The following RAB4B variants were observed in gnomAD, a reference collection of about 807,000 sequenced individuals.
The protein encoded by RAB4B is ras-related protein Rab-4B.
RAB4B carries 15 observed loss-of-function variants against 28.3 expected under a neutral mutation model. The ratio of observed to expected loss-of-function variants is 0.53; its 90% CI spans 0.35 to 0.82. The LOEUF is 0.82. Ranked by LOEUF, RAB4B falls within the 40% of genes least tolerant of loss-of-function variation. The pLI, the probability that RAB4B is intolerant of heterozygous loss-of-function variation, is 0.01. For missense variants in RAB4B, 244 were observed against 288.5 expected (o/e 0.85, Z 1.12); for synonymous variants, 108 against 116.3 (o/e 0.93, Z 0.46).
At chr19:40,786,043 G>A (rs1234354365) in intron 5 of RAB4B, 1 of 161,106 alleles carries the variant, frequency 6.2e-6, no homozygotes, top group Non-Finnish European at 1.3e-5. Flanking sequence ...CAGTTGGGAT[G>A]AGGGGACACA....
chr19:40,787,428 G>A (rs542705068), intron 7 of RAB4B, among the ~76,000 whole-genome samples: 50 of 152,020 alleles, frequency 3.3e-4, no homozygotes, highest in Non-Finnish European at 6.2e-4. Context: ...CCAGCTACTC[G>A]GGAAGTTGAG....
At chr19:40,780,691 A>G (rs2083038429) in intron 3 of RAB4B, among the ~76,000 whole-genome samples, 192 bp downstream of exon 3, 1 of 152,018 alleles carries the variant, frequency 6.6e-6, no homozygotes, top group Non-Finnish European at 1.5e-5. Context: ...ATGGTGGAAG[A>G]AAAAGAGGTA....
chr19:40,781,638 G>GGAGAGA lies in RAB4B; in HGVS notation c.212+1150_212+1155dup, dbSNP rs371458951. Among the ~76,000 whole-genome samples the GGAGAGA allele has an allele frequency of 1.6e-4, 24 of 150,964 alleles. No individual in the cohort carries two copies. In the South Asian group the frequency reaches 3.3e-3, roughly 21 times the overall value. ...GAGATGGAGAAATGGACGTGTTGTG[G>GGAGAGA]GAGAGAGAGAGAGAGAAATGCGTAG... On this transcript the variant is annotated intron_variant, in intron 3 of 7. Coordinates refer to ENST00000357052, the MANE Select transcript of RAB4B (RefSeq NM_016154.5).
In RAB4B at chr19:40,783,764, C is replaced by T; in HGVS notation, c.213-14C>T. The stretch of plus-strand genomic sequence containing the variant: ...CCCAGCCTTGGGGGTGACTGGGTCC[C>T]CCTGGCCCCACAGGTCAGTGACGCG... On this transcript the variant is annotated splice_polypyrimidine_tract_variant and intron_variant, in intron 3 of 7. Coordinates refer to ENST00000357052, the MANE Select transcript of RAB4B (RefSeq NM_016154.5). 2 of 1,549,244 alleles carry T rather than the reference C, an allele frequency of 1.3e-6. No individual in the cohort carries two copies. The highest frequency in any genetic ancestry group is 1.7e-6 in the Non-Finnish European group (2 of 1,144,810).
rs367615181 is a variant in RAB4B, at chr19:40,786,453, G to A, written c.431-212G>A. The A allele has an allele frequency of 7.0e-5, 44 of 631,316 alleles. No homozygotes were observed. The East Asian group carries it at 7.0e-4, about 10-fold the overall frequency. 39.1% of individuals were successfully genotyped at this position (631,316 alleles called of 1,614,324 possible). ...GGAAGTCAGGGAGGACTTCTTGGAG[G>A]AGGAGCTGTGTGAGCTGAGCTCTGA... On this transcript the variant is annotated intron_variant, in intron 5 of 7. Transcript: ENST00000357052.
Position 40,786,832 on chromosome 19 carries a change from CTCCCCT to C in RAB4B, c.527-10_527-5del. 1 of 1,614,164 alleles carries C rather than the reference CTCCCCT, an allele frequency of 6.2e-7. No individual in the cohort carries two copies. The highest frequency in any genetic ancestry group is 8.5e-7 in the Non-Finnish European group (1 of 1,179,996). ...GTCTCCAGGCAACCAATGCTGACCT[CTCCCCT>C]TCCCCACAGGCGAGCTAGACCCGGA... On this transcript the variant is annotated splice_polypyrimidine_tract_variant and intron_variant, in intron 6 of 7. Coordinates refer to ENST00000357052, the MANE Select transcript of RAB4B (RefSeq NM_016154.5).
At chr19:40,783,886 C>T (rs1481901024) in intron 4 of RAB4B, 35 bp from the exon 5 acceptor site, 1 of 1,587,328 alleles carries the variant, frequency 6.3e-7, no homozygotes, top group Admixed American at 1.7e-5. Context: ...GGTTCCTCTC[C>T]TGCACTGCCT....
rs1048713633 is a variant in RAB4B, at chr19:40,780,711, C to T, written c.212+212C>T. On this transcript the variant is annotated intron_variant, in intron 3 of 7. Coordinates refer to ENST00000357052, the MANE Select transcript of RAB4B (RefSeq NM_016154.5). Reference sequence around the variant, plus strand: ...GGAAGAAAAAGAGGTAGGGGCCAGGCGCAATGGCTCATGCCGGTAATCCCC... The same window carrying T: ...GGAAGAAAAAGAGGTAGGGGCCAGGTGCAATGGCTCATGCCGGTAATCCCC... Among the ~76,000 whole-genome samples the T allele has an allele frequency of 1.7e-4, 26 of 151,884 alleles. 1 individual carries two copies. The highest frequency in any genetic ancestry group is 1.3e-3 in the Admixed American group (20 of 15,216).
chr19:40,793,308 C>T (rs1027069910), intron 7 of RAB4B, among the ~76,000 whole-genome samples: 2 of 151,992 alleles, frequency 1.3e-5, no homozygotes, highest in Non-Finnish European at 2.9e-5. Context: ...CATCTCAGCT[C>T]ACTGCAGCCT....
intron 5 of RAB4B, chr19:40,786,176 G>A (rs956763413): frequency 9.5e-6 from 2 of 210,162 alleles, no homozygotes; most frequent in South Asian, 6.0e-5. Context: ...TGGGATGGGG[G>A]AGCATGGGCA....
intron 7 of RAB4B, among the ~76,000 whole-genome samples, chr19:40,793,697 G>A (rs185923107): frequency 6.7e-4 from 101 of 150,704 alleles, no homozygotes; most frequent in African/African-American, 2.1e-3. Context: ...AGGCTGAGGC[G>A]GGCAGATCAC....
intron 7 of RAB4B, among the ~76,000 whole-genome samples, chr19:40,788,034 G>A (rs2083119029): frequency 6.8e-6 from 1 of 147,576 alleles, no homozygotes; most frequent in African/African-American, 2.5e-5. Flanking sequence ...CCCCAGGCCA[G>A]CTTCCTGCCC....
At chr19:40,795,314 A>G (rs941513282) in intron 7 of RAB4B, among the ~76,000 whole-genome samples, 4 of 152,034 alleles carry the variant, frequency 2.6e-5, no homozygotes, top group Admixed American at 6.6e-5. Flanking sequence ...TGAGACTTAG[A>G]GCCAGGGTGA....
rs765665315 is a variant in RAB4B, at chr19:40,786,637, C to T, written c.431-28C>T. On this transcript the variant is annotated intron_variant, in intron 5 of 7. Coordinates refer to ENST00000357052, the MANE Select transcript of RAB4B (RefSeq NM_016154.5). ...GTGGAGGGTGGGGACTAACTGGGGC[C>T]CTGACCTCAGAGTGTGTGCCCCTGC... is the stretch of plus-strand genomic sequence containing the variant. 4.3e-5 allele frequency: 69 copies of T among 1,613,058 alleles called. No homozygotes were observed. The African/African-American group carries it at 7.9e-4, about 18-fold the overall frequency.
At chr19:40,793,741 T>C (rs2083182172) in intron 7 of RAB4B, among the ~76,000 whole-genome samples, 1 of 148,354 alleles carries the variant, frequency 6.7e-6, no homozygotes, top group African/African-American at 2.5e-5. Context: ...GTGACCAACA[T>C]GGTAAAACCC....
intron 7 of RAB4B, among the ~76,000 whole-genome samples, chr19:40,789,261 G>T (rs1351531748): frequency 1.3e-5 from 2 of 151,828 alleles, no homozygotes. Flanking sequence ...GGAGTGCAAT[G>T]GCGCGATCTC....
chr19:40,793,569 TTTG>T, intron 7 of RAB4B, among the ~76,000 whole-genome samples: 1 of 101,596 alleles, frequency 9.8e-6, no homozygotes, highest in African/African-American at 2.9e-5. Flanking sequence ...TCTTTTCTTT[TTTG>T]TTTTTTTTTT....
Position 40,778,262 on chromosome 19 carries a change from G to A in RAB4B, c.-114G>A. ...GGGCGGAGGCGGAAGTGGCGGTGCC[G>A]GGCCCGGGGAGTAGGAAGGAGCCGG... On this transcript the variant is annotated 5_prime_UTR_variant, in exon 1 of 8. Coordinates refer to ENST00000357052, the MANE Select transcript of RAB4B (RefSeq NM_016154.5). The A allele has an allele frequency of 9.7e-7, 1 of 1,035,090 alleles. No homozygotes were observed. Among genetic ancestry groups the A allele is most frequent in the Admixed American group, 3.4e-5 (1 of 29,324 alleles). The allele number at this position is 1,035,090 out of a possible 1,614,324, so 64.1% of individuals were successfully genotyped here.
intron 3 of RAB4B, among the ~76,000 whole-genome samples, chr19:40,781,200 T>C (rs2083043763): frequency 6.7e-6 from 1 of 149,402 alleles, no homozygotes; most frequent in Non-Finnish European, 1.5e-5. Flanking sequence ...GGCAGGAGAA[T>C]TGCTTGAACC....
Sources: allele counts gnomAD v4.1 joint callset (sites outside exome capture counted in the v4.1 genomes callset), GRCh38; gene constraint gnomAD v4.1.1; transcripts MANE v1.5; gene names NCBI Gene and HGNC (gene_info 2026-07-23, HGNC 2026-07-21).